Variants in ANKRD31 observed in about 807,000 individuals in gnomAD.
ANKRD31 encodes the protein ankyrin repeat domain 31.
ANKRD31 carries 147 observed loss-of-function variants against 186.0 expected under a neutral mutation model. That is an observed-to-expected ratio of 0.79 (90% CI 0.69 to 0.91). ANKRD31 has a LOEUF of 0.91. Among genes scored for constraint, ANKRD31 ranks in the 40% least tolerant of loss-of-function variants. ANKRD31 has a pLI of 0.00. For missense variants in ANKRD31, 1,986 were observed against 2,148.8 expected (o/e 0.92, Z 1.50); for synonymous variants, 673 against 736.4 (o/e 0.91, Z 1.39).
At position 75,084,369 on chromosome 5, in the gene ANKRD31, C is replaced by A; in HGVS notation, c.5478G>T (p.Thr1826=). 1 of 1,536,092 alleles carries A rather than the reference C, an allele frequency of 6.5e-7. No homozygotes were observed. The highest frequency in any genetic ancestry group is 8.7e-7 in the Non-Finnish European group (1 of 1,145,946). The change falls in exon 24 of 26, where the codon ACG becomes ACT. Residue 1826 remains threonine, a synonymous_variant. Transcript: ENST00000506364. ...VTWNYAWSKV[T]YLGKELLRYV... ...ACCTTAAAAGCTCCTTCCCAAGATACGTTACCTGCACATAATTAAGCACAA... is the reference window on the plus strand; with the variant it reads ...ACCTTAAAAGCTCCTTCCCAAGATAAGTTACCTGCACATAATTAAGCACAA...
Position 75,188,623 on chromosome 5 carries a change from A to G in ANKRD31, c.1434T>C (p.Ser478=), listed in dbSNP as rs763524792. The G allele has an allele frequency of 4.6e-4, 698 of 1,531,134 alleles. 1 individual carries two copies. The highest frequency in any genetic ancestry group is 5.8e-4 in the Non-Finnish European group (665 of 1,144,970). 94.8% of individuals were successfully genotyped at this position (1,531,134 alleles called of 1,614,324 possible). A position where few individuals can be genotyped will look rare whatever the true frequency, so the allele number is the denominator to read the frequency against. The change falls in exon 10 of 26, where the codon TCT becomes TCC. Residue 478 remains serine, a synonymous_variant. Transcript: ENST00000506364. The stretch of plus-strand genomic sequence containing the variant: ...TGTTTCTCCGGTTAATGCTATGAAG[A>G]GATATTTTGTTCACCTTCATTTTTT... ...KKEKMKVNKI[S]LHSINRRNIF...
intron 10 of ANKRD31, among the ~76,000 whole-genome samples, chr5:75,186,228 A>C (rs965888466): frequency 6.6e-6 from 1 of 152,198 alleles, no homozygotes; most frequent in Non-Finnish European, 1.5e-5. Context: ...AACTTATTTA[A>C]AAAAAGAAAT....
intron 1 of ANKRD31, among the ~76,000 whole-genome samples, chr5:75,235,241 C>CTTTTTTTTTTTTTTTTTTTT (rs35626841): frequency 1.0e-5 from 1 of 99,880 alleles, no homozygotes; most frequent in Non-Finnish European, 1.9e-5. Context: ...CTTGCTGGTA[C>CTTTTTTTTTTTTTTTTTTTT]TTTTTTTTTT....
chr5:75,234,939 CA>C (rs1315947538), intron 1 of ANKRD31, among the ~76,000 whole-genome samples: 13 of 152,018 alleles, frequency 8.6e-5, no homozygotes, highest in Non-Finnish European at 1.5e-5. Flanking sequence ...TTCATCATCC[CA>C]ATATCATTTT....
intron 11 of ANKRD31, among the ~76,000 whole-genome samples, chr5:75,156,379 A>G (rs1752175600): frequency 6.6e-6 from 1 of 152,160 alleles, no homozygotes; most frequent in African/African-American, 2.4e-5. Flanking sequence ...CATGTTTAAA[A>G]TCATAAAAGC....
chr5:75,069,456 C>T (rs1306362863), intron 25 of ANKRD31, among the ~76,000 whole-genome samples: 1 of 152,144 alleles, frequency 6.6e-6, no homozygotes, highest in Non-Finnish European at 1.5e-5. Context: ...TAGATCTACA[C>T]CAATGAGTGA....
chr5:75,220,257 C>T (rs1231388980), intron 3 of ANKRD31, among the ~76,000 whole-genome samples: 4 of 152,246 alleles, frequency 2.6e-5, no homozygotes, highest in Non-Finnish European at 1.5e-5. Flanking sequence ...TGGGAGAAAA[C>T]GTTTGCAAAT....
chr5:75,108,573 T>C (rs1241436381), intron 20 of ANKRD31, among the ~76,000 whole-genome samples: 1 of 152,176 alleles, frequency 6.6e-6, no homozygotes, highest in African/African-American at 2.4e-5. Context: ...AATGCACATT[T>C]TTCTGGTTAA....
At chr5:75,132,264 C>A (rs1749921172) in intron 17 of ANKRD31, among the ~76,000 whole-genome samples, 1 of 152,136 alleles carries the variant, frequency 6.6e-6, no homozygotes, top group African/African-American at 2.4e-5. Flanking sequence ...AACCTAAAAA[C>A]CTTGAAAGAA....
intron 24 of ANKRD31, 77 bp from the exon 25 acceptor site, chr5:75,080,716 C>A: frequency 1.3e-6 from 1 of 785,048 alleles, no homozygotes; most frequent in Admixed American, 3.4e-5. Context: ...ATGATGGTCA[C>A]CCTACCGATG....
In ANKRD31 at chr5:75,157,419, G is replaced by T. The variant is rs80103051; in HGVS notation, c.1708-3074C>A. 8.5e-3 allele frequency among the ~76,000 whole-genome samples: 1,299 copies of T among 152,226 alleles called. 18 individuals carry two copies. The highest frequency in any genetic ancestry group is 0.029 in the African/African-American group (1,189 of 41,536). ...TGGGGATTATAGTAAAATGTGAGGA[G>T]AAAAAGATAAATTGAAGAAAGAACT... On this transcript the variant is annotated intron_variant, in intron 11 of 25. Transcript: ENST00000506364.
chr5:75,107,083 T>A (rs1484150834), intron 21 of ANKRD31, among the ~76,000 whole-genome samples: 3 of 151,956 alleles, frequency 2.0e-5, no homozygotes, highest in African/African-American at 7.2e-5. Flanking sequence ...ATAATCAGGA[T>A]AAAACTCTTT....
chr5:75,190,607 A>ATGTG (rs57136126), intron 9 of ANKRD31, among the ~76,000 whole-genome samples: 24 of 147,822 alleles, frequency 1.6e-4, no homozygotes, highest in Non-Finnish European at 2.8e-4. Context: ...GTGCTTATAT[A>ATGTG]TGTGTGTGTG....
intron 10 of ANKRD31, among the ~76,000 whole-genome samples, chr5:75,187,658 AG>A (rs1580518432): frequency 6.6e-6 from 1 of 152,190 alleles, no homozygotes; most frequent in East Asian, 1.9e-4. Context: ...GGGTTATAAC[AG>A]GGCTATAACC....
At chr5:75,236,464 A>C (rs1183560936) in intron 1 of ANKRD31, 119 bp downstream of exon 1, 3 of 811,524 alleles carry the variant, frequency 3.7e-6, no homozygotes, top group Non-Finnish European at 5.6e-6. Context: ...CAAGGCTCTG[A>C]TCCTGCCCAC....
At chr5:75,211,929 C>T (rs1047161209) in intron 3 of ANKRD31, among the ~76,000 whole-genome samples, 2 of 151,988 alleles carry the variant, frequency 1.3e-5, no homozygotes, top group African/African-American at 2.4e-5. Context: ...CCATAAGATG[C>T]TTTTATACTC....
Position 75,229,864 on chromosome 5 carries a change from CAAAA to C in ANKRD31, c.178+694_178+697del, listed in dbSNP as rs1210080751. ...TGGGCGACAGAGTGAGACTCTGTCT[CAAAA>C]AAAAAAAAAAAAAAAAAAACAAAAA... On this transcript the variant is annotated intron_variant, in intron 2 of 25. Transcript: ENST00000506364. Among the ~76,000 whole-genome samples the C allele has an allele frequency of 7.9e-5, 3 of 37,852 alleles. No homozygotes were observed. In the South Asian group the frequency reaches 3.7e-3, roughly 47 times the overall value. The allele number at this position is 37,852 out of a possible 152,430, so 24.8% of individuals were successfully genotyped here. A position where few individuals can be genotyped will look rare whatever the true frequency, so the allele number is the denominator to read the frequency against.
At chr5:75,100,622 A>G (rs1360888279) in intron 22 of ANKRD31, among the ~76,000 whole-genome samples, 1 of 152,110 alleles carries the variant, frequency 6.6e-6, no homozygotes, top group Non-Finnish European at 1.5e-5. Flanking sequence ...TTGGGTGCAT[A>G]TATATTTCGG....
chr5:75,140,365 T>G (rs908246254), intron 15 of ANKRD31, among the ~76,000 whole-genome samples: 1 of 148,772 alleles, frequency 6.7e-6, no homozygotes, highest in Admixed American at 6.7e-5. Flanking sequence ...TAGAGAAGCT[T>G]CAGACTGAGA....
Sources: gnomAD v4.1 joint callset for allele counts (sites outside exome capture counted in the v4.1 genomes callset) on GRCh38, gnomAD v4.1.1 for gene constraint, MANE v1.5 for transcripts, NCBI Gene and HGNC (gene_info 2026-07-23, HGNC 2026-07-21) for gene names.